Variants in TUT4 observed in about 807,000 individuals in gnomAD.
TUT4 encodes terminal uridylyltransferase 4.
Under a neutral mutation model 192.2 loss-of-function variants are expected in TUT4, and 36 were observed. The observed-to-expected ratio is 0.19, with a 90% CI of 0.14 to 0.25. The LOEUF (loss-of-function observed/expected upper bound fraction) is 0.25, where lower values mean the gene tolerates loss of function less well. Ranked by LOEUF, TUT4 falls within the 10% of genes least tolerant of loss-of-function variation. The pLI, the probability that TUT4 is intolerant of heterozygous loss-of-function variation, is 1.00. For synonymous variants in TUT4, 618 were observed against 666.0 expected (o/e 0.93, Z 1.11); for missense variants, 1,493 against 1,957.2 (o/e 0.76, Z 4.47).
chr1:52,510,784 C>T (rs776820031), intron 3 of TUT4, among the ~76,000 whole-genome samples: 9 of 152,100 alleles, frequency 5.9e-5, no homozygotes, highest in Non-Finnish European at 1.3e-4. Flanking sequence ...GATGTGAAAA[C>T]AAAAGCCCAT....
At chr1:52,548,469 T>C (rs904878036) in intron 1 of TUT4, among the ~76,000 whole-genome samples, 3 of 152,136 alleles carry the variant, frequency 2.0e-5, no homozygotes, top group Admixed American at 2.0e-4. Flanking sequence ...TACAACACAG[T>C]ACAGTGGCAA....
intron 13 of TUT4, among the ~76,000 whole-genome samples, chr1:52,474,013 C>G (rs1055097897): frequency 6.6e-6 from 1 of 152,152 alleles, no homozygotes; most frequent in Non-Finnish European, 1.5e-5. Context: ...TCGAGACCAG[C>G]CTGGGCAACA....
At chr1:52,512,508 C>G (rs1167131469) in intron 3 of TUT4, among the ~76,000 whole-genome samples, 1 of 152,228 alleles carries the variant, frequency 6.6e-6, no homozygotes, top group African/African-American at 2.4e-5. Context: ...CACTTGACCA[C>G]TGTGCACAGT....
intron 21 of TUT4, 44 bp downstream of exon 21, chr1:52,446,546 A>G (rs754435694): frequency 3.8e-6 from 6 of 1,564,824 alleles, no homozygotes; most frequent in Admixed American, 1.9e-5. Context: ...ATGCTAACAT[A>G]TATCAGTGAG....
At chr1:52,545,540 T>G (rs1687849975) in intron 1 of TUT4, among the ~76,000 whole-genome samples, 1 of 152,050 alleles carries the variant, frequency 6.6e-6, no homozygotes, top group Non-Finnish European at 1.5e-5. Flanking sequence ...TAGACATTTC[T>G]CCAAAGAAGA....
chr1:52,463,792 A>C (rs772755606), intron 16 of TUT4: 160 of 1,304,176 alleles, frequency 1.2e-4, no homozygotes, highest in Admixed American at 8.7e-4. Flanking sequence ...TATACAAAAA[A>C]GGAAAGCGTA....
chr1:52,423,606 A>T lies in TUT4; in HGVS notation c.*329T>A, dbSNP rs908395727. ...ATTTTTTAAATTCTCTCTTTATACA[A>T]TTCATCAAGGTTAAACAAAACATAA... is the stretch of plus-strand genomic sequence containing the variant. On this transcript the variant is annotated 3_prime_UTR_variant, in exon 30 of 30. Coordinates refer to ENST00000257177, the MANE Select transcript of TUT4 (RefSeq NM_001009881.3). The T allele has an allele frequency of 2.7e-6, 1 of 367,246 alleles. No individual in the cohort carries two copies. The highest frequency in any genetic ancestry group is 5.1e-6 in the Non-Finnish European group (1 of 196,154). 22.7% of individuals were successfully genotyped at this position (367,246 alleles called of 1,614,324 possible). A position where few individuals can be genotyped will look rare whatever the true frequency, so the allele number is the denominator to read the frequency against.
rs755177905 is a variant in TUT4, at chr1:52,481,952, C to T, written c.1516-29G>A. On this transcript the variant is annotated intron_variant, in intron 9 of 29. Transcript: ENST00000257177. ...CAAAATGAAGGGGAAAAAAGTACTA[C>T]CATTTAGCTTTCTTAATTTTCATGA... is the stretch of plus-strand genomic sequence containing the variant. The T allele has an allele frequency of 4.8e-6, 7 of 1,445,030 alleles. No homozygotes were observed. In the African/African-American group the frequency reaches 5.9e-5, roughly 12 times the overall value. The allele number at this position is 1,445,030 out of a possible 1,614,324, so 89.5% of individuals were successfully genotyped here. A position where few individuals can be genotyped will look rare whatever the true frequency, so the allele number is the denominator to read the frequency against.
chr1:52,459,484 G>A (rs116040156), intron 19 of TUT4, among the ~76,000 whole-genome samples: 1,864 of 152,190 alleles, frequency 0.012, 9 homozygotes, highest in Middle Eastern at 0.038. Context: ...GGCTACTCAA[G>A]AGGCTGAGGT....
Position 52,472,083 on chromosome 1 carries a change from C to T in TUT4, c.2747G>A (p.Ser916Asn). ...TGAATGGCCATCCTTTTTGCAGATG[C>T]TGCATACTATCGTTGGTGGCTACAC... ...TSGKPPTIVC[S>N]ICKKDGHSKN... Residue 916 changes from serine (S) to asparagine (N), a missense_variant, in exon 14 of 30, where the codon AGC becomes AAC. By Grantham distance (46) the Ser-to-Asn change is conservative. Coordinates refer to ENST00000257177, the MANE Select transcript of TUT4 (RefSeq NM_001009881.3). The T allele has an allele frequency of 6.2e-7, 1 of 1,613,664 alleles. No homozygotes were observed. Among genetic ancestry groups the T allele is most frequent in the Non-Finnish European group, 8.5e-7 (1 of 1,179,836 alleles).
intron 14 of TUT4, among the ~76,000 whole-genome samples, chr1:52,470,446 T>C (rs1665428879): frequency 6.6e-6 from 1 of 151,854 alleles, no homozygotes; most frequent in African/African-American, 2.4e-5. Context: ...TCAAGATAAA[T>C]AAAAGCATAT....
At chr1:52,480,421 T>C (rs72666826) in intron 11 of TUT4, among the ~76,000 whole-genome samples, 2,353 of 152,330 alleles carry the variant, frequency 0.015, 32 homozygotes, top group Non-Finnish European at 0.024. Context: ...GTTACTGACA[T>C]TGATGATACA....
In TUT4 at chr1:52,532,457, C is replaced by A. The variant is rs116898353; in HGVS notation, c.-93-6084G>T. Among the ~76,000 whole-genome samples the A allele has an allele frequency of 3.3e-5, 5 of 151,828 alleles. No individual in the cohort carries two copies. In the East Asian group the frequency reaches 9.7e-4, roughly 30 times the overall value. Reference sequence around the variant, plus strand: ...GCCTCCCACCTCAGCCTCACAGGCACACACGACCACACCTGGCAATTTTTT... The same window carrying A: ...GCCTCCCACCTCAGCCTCACAGGCAAACACGACCACACCTGGCAATTTTTT... On this transcript the variant is annotated intron_variant, in intron 1 of 29. Coordinates refer to ENST00000257177, the MANE Select transcript of TUT4 (RefSeq NM_001009881.3).
At chr1:52,500,290 A>G (rs2149205995) in intron 4 of TUT4, among the ~76,000 whole-genome samples, 1 of 152,342 alleles carries the variant, frequency 6.6e-6, no homozygotes, top group South Asian at 2.1e-4. Flanking sequence ...CTCTGACCTT[A>G]GATCATATAC....
intron 1 of TUT4, among the ~76,000 whole-genome samples, chr1:52,546,509 T>C (rs1179517122): frequency 6.6e-6 from 1 of 152,114 alleles, no homozygotes; most frequent in Non-Finnish European, 1.5e-5. Flanking sequence ...GACAGAATAG[T>C]GGTTGTCAGG....
At chr1:52,444,551 G>C (rs937846079) in intron 24 of TUT4, among the ~76,000 whole-genome samples, 4 of 151,650 alleles carry the variant, frequency 2.6e-5, no homozygotes, top group Non-Finnish European at 5.9e-5. Flanking sequence ...TTGGACTGAA[G>C]CACACAAACT....
intron 14 of TUT4, among the ~76,000 whole-genome samples, chr1:52,471,333 TA>T (rs2148840441): frequency 6.6e-6 from 1 of 152,304 alleles, no homozygotes; most frequent in Non-Finnish European, 1.5e-5. Flanking sequence ...CTTTTATGCA[TA>T]ATCTTTGACG....
In TUT4 at chr1:52,542,760, TA is replaced by T. The variant is rs772102606; in HGVS notation, c.-94+10170del. On this transcript the variant is annotated intron_variant, in intron 1 of 29. Transcript: ENST00000257177. ...TTTTCACCATTTCTTTTTATTTATT[TA>T]TTTATTTATTTTTTTTTGAGGCAGA... Among the ~76,000 whole-genome samples, 9 of 147,810 alleles carry T rather than the reference TA, an allele frequency of 6.1e-5. No individual in the cohort carries two copies. In the South Asian group the frequency reaches 6.5e-4, roughly 11 times the overall value.
At chr1:52,522,575 A>G (rs1680561261) in intron 2 of TUT4, among the ~76,000 whole-genome samples, 1 of 152,224 alleles carries the variant, frequency 6.6e-6, no homozygotes, top group African/African-American at 2.4e-5. Context: ...TTCACTCCAG[A>G]GCCCATATTC....
Sources: allele counts gnomAD v4.1 joint callset (sites outside exome capture counted in the v4.1 genomes callset), GRCh38; gene constraint gnomAD v4.1.1; transcripts MANE v1.5; gene names NCBI Gene and HGNC (gene_info 2026-07-23, HGNC 2026-07-21).